Variants in DDA1 observed in about 807,000 individuals in gnomAD.
The protein encoded by DDA1 is DET1- and DDB1-associated protein 1.
DDA1 carries 3 observed loss-of-function variants against 18.6 expected under a neutral mutation model. The ratio of observed to expected loss-of-function variants is 0.16; its 90% CI spans 0.07 to 0.42. The LOEUF is 0.42. Among genes scored for constraint, DDA1 ranks in the 10% least tolerant of loss-of-function variants. The probability of loss-of-function intolerance (pLI) is 0.99; values close to 1 mark genes in which losing one functional copy is unlikely to be tolerated. For missense variants in DDA1, 105 were observed against 138.2 expected (o/e 0.76, Z 1.20); for synonymous variants, 52 against 54.0 (o/e 0.96, Z 0.17).
intron 4 of DDA1, among the ~76,000 whole-genome samples, chr19:17,318,752 G>A (rs2074225750): frequency 1.3e-5 from 2 of 150,000 alleles, no homozygotes; most frequent in African/African-American, 2.5e-5. Context: ...TGCAACCTCC[G>A]CCTCTTGGGT....
intron 3 of DDA1, among the ~76,000 whole-genome samples, chr19:17,315,344 TACAC>T (rs2074205782): frequency 1.3e-5 from 1 of 79,540 alleles, no homozygotes; most frequent in African/African-American, 4.8e-5. Flanking sequence ...CGTATATATA[TACAC>T]GCTATATATA....
rs1445291532 is a variant in DDA1, at chr19:17,322,077, C to T, written c.*2421C>T. On this transcript the variant is annotated 3_prime_UTR_variant, in exon 5 of 5. Transcript: ENST00000359866. ...CAGGGGCCAGAGTGGGAGCAGGGGG[C>T]ACTCCCGCCTTTCCCCTCGGCCTGT... The T allele has an allele frequency of 1.3e-5, 2 of 152,708 alleles. No individual in the cohort carries two copies. Among genetic ancestry groups the T allele is most frequent in the South Asian group, 2.1e-4 (1 of 4,858 alleles). 9.5% of individuals were successfully genotyped at this position (152,708 alleles called of 1,614,324 possible). A position where few individuals can be genotyped will look rare whatever the true frequency, so the allele number is the denominator to read the frequency against.
Position 17,320,133 on chromosome 19 carries a change from C to T in DDA1, c.*477C>T, listed in dbSNP as rs1266063665. ...CCAGGCCATTGAGACTCGGTCTTGT[C>T]CCACGCTTCGCCCGGAACTTTCCCA... On this transcript the variant is annotated 3_prime_UTR_variant, in exon 5 of 5. Transcript: ENST00000359866. 1 of 154,754 alleles carries T rather than the reference C, an allele frequency of 6.5e-6. No homozygotes were observed. The highest frequency in any genetic ancestry group is 1.4e-5 in the Non-Finnish European group (1 of 69,610). 9.6% of individuals were successfully genotyped at this position (154,754 alleles called of 1,614,324 possible). A position where few individuals can be genotyped will look rare whatever the true frequency, so the allele number is the denominator to read the frequency against.
chr19:17,313,148 G>C (rs914024720), intron 1 of DDA1, among the ~76,000 whole-genome samples: 1 of 152,150 alleles, frequency 6.6e-6, no homozygotes, highest in African/African-American at 2.4e-5. Context: ...TCTGGCTTTT[G>C]CTTTTCAGGT....
At position 17,309,642 on chromosome 19, in the gene DDA1, G is replaced by A. The variant is rs1047937410; in HGVS notation, c.-13G>A. 9.3e-6 allele frequency: 15 copies of A among 1,613,112 alleles called. No individual in the cohort carries two copies. The highest frequency in any genetic ancestry group is 1.7e-4 in the Middle Eastern group (1 of 6,052). Reference sequence around the variant, plus strand: ...TGAGGCGGCGGCCGAGGCGGCGACGGAGGAAACAGAAGATGGTGAGGATGG... The same window carrying A: ...TGAGGCGGCGGCCGAGGCGGCGACGAAGGAAACAGAAGATGGTGAGGATGG... On this transcript the variant is annotated 5_prime_UTR_variant, in exon 1 of 5. Coordinates refer to ENST00000359866, the MANE Select transcript of DDA1 (RefSeq NM_024050.6).
At chr19:17,310,856 C>G (rs1437553722) in intron 1 of DDA1, among the ~76,000 whole-genome samples, 2 of 152,228 alleles carry the variant, frequency 1.3e-5, no homozygotes, top group African/African-American at 4.8e-5. Context: ...GGTACTGCCA[C>G]TTCCCACCTG....
Position 17,314,524 on chromosome 19 carries a change from T to C in DDA1, c.136+135T>C. The C allele has an allele frequency of 1.7e-6, 2 of 1,211,242 alleles. No individual in the cohort carries two copies. The highest frequency in any genetic ancestry group is 2.4e-6 in the Non-Finnish European group (2 of 848,608). The allele number at this position is 1,211,242 out of a possible 1,614,324, so 75.0% of individuals were successfully genotyped here. The stretch of plus-strand genomic sequence containing the variant: ...TGGCTTGGGTTCACACGCTGTCTAC[T>C]GAATCCAGTTAAGTCAGGGAGGGCC... On this transcript the variant is annotated intron_variant, in intron 3 of 4. Coordinates refer to ENST00000359866, the MANE Select transcript of DDA1 (RefSeq NM_024050.6). This position sits in a 1 kb window ranked among gnomAD's most constrained non-coding sequence, Gnocchi z 4.6.
rs2074232095 is a variant in DDA1 at position 17,319,973 on chromosome 19, C to G, written c.*317C>G. The G allele has an allele frequency of 3.5e-6, 1 of 286,042 alleles. No homozygotes were observed. The highest frequency in any genetic ancestry group is 6.7e-6 in the Non-Finnish European group (1 of 148,598). 17.7% of individuals were successfully genotyped at this position (286,042 alleles called of 1,614,324 possible). A position where few individuals can be genotyped will look rare whatever the true frequency, so the allele number is the denominator to read the frequency against. ...GGGCCAGTTCCCCGATTCCTGCCCC[C>G]AGTTCTCCAGAGAACCAGAGTGTGT... On this transcript the variant is annotated 3_prime_UTR_variant, in exon 5 of 5. Coordinates refer to ENST00000359866, the MANE Select transcript of DDA1 (RefSeq NM_024050.6).
At chr19:17,315,319 C>CTA (rs1218418422) in intron 3 of DDA1, among the ~76,000 whole-genome samples, 3 of 27,860 alleles carry the variant, frequency 1.1e-4, no homozygotes, top group Admixed American at 4.1e-4. Context: ...TATATACACG[C>CTA]TATATATATA....
intron 3 of DDA1, among the ~76,000 whole-genome samples, chr19:17,315,428 GCATATATATA>G (rs1452321732): frequency 2.8e-5 from 2 of 71,364 alleles, no homozygotes; most frequent in Non-Finnish European, 2.5e-5. Flanking sequence ...GTGTGTGTGT[GCATATATATA>G]TATATATATA....
intron 4 of DDA1, among the ~76,000 whole-genome samples, chr19:17,316,811 G>A (rs2074215555): frequency 6.6e-6 from 1 of 152,128 alleles, no homozygotes; most frequent in Admixed American, 6.5e-5. Flanking sequence ...CTGGGAGGCG[G>A]AGCTTGCAGT....
intron 3 of DDA1, among the ~76,000 whole-genome samples, chr19:17,315,403 T>C (rs1469135488): frequency 8.8e-5 from 9 of 101,898 alleles, no homozygotes; most frequent in Non-Finnish European, 8.7e-5. Context: ...ACTATATATA[T>C]ACATACGTGT....
Position 17,314,122 on chromosome 19 carries a change from G to C in DDA1, c.84+19G>C. The C allele has an allele frequency of 6.2e-7, 1 of 1,613,112 alleles. No individual in the cohort carries two copies. The highest frequency in any genetic ancestry group is 2.2e-5 in the East Asian group (1 of 44,846). The stretch of plus-strand genomic sequence containing the variant: ...AGCCTCGGTGAGTGCGTGTTCCTGG[G>C]ACTGGGAGGAATTGGTCACTTCCAG... On this transcript the variant is annotated intron_variant, in intron 2 of 4. Coordinates refer to ENST00000359866, the MANE Select transcript of DDA1 (RefSeq NM_024050.6). The surrounding 1 kb of genome is among the most constrained non-coding windows in gnomAD (Gnocchi z 4.6).
At chr19:17,318,204 C>T (rs763760587) in intron 4 of DDA1, among the ~76,000 whole-genome samples, 13 of 151,808 alleles carry the variant, frequency 8.6e-5, no homozygotes, top group African/African-American at 2.7e-4. Context: ...AGGCACGCGC[C>T]ACCATGCCCA....
At position 17,315,284 on chromosome 19, in the gene DDA1, CA is replaced by C. The variant is rs1373050014; in HGVS notation, c.137-649del. On this transcript the variant is annotated intron_variant, in intron 3 of 4. Transcript: ENST00000359866. ...ATATACACACACGTGTATATACACA[CA>C]CTATATATATACACACGTGTATATA... Among the ~76,000 whole-genome samples the C allele has an allele frequency of 4.5e-5, 2 of 44,080 alleles. 1 individual carries two copies. Among genetic ancestry groups the C allele is most frequent in the Admixed American group, 2.8e-4 (2 of 7,042 alleles). The allele number at this position is 44,080 out of a possible 152,430, so 28.9% of individuals were successfully genotyped here.
intron 1 of DDA1, among the ~76,000 whole-genome samples, chr19:17,313,222 TG>T (rs1377713482): frequency 6.6e-6 from 1 of 152,030 alleles, no homozygotes; most frequent in East Asian, 1.9e-4. Context: ...ATCAGCCCCC[TG>T]GTTTTCTGAC....
rs2074203550 is a variant in DDA1 at position 17,315,280 on chromosome 19, C to CACACACGTGTATAT, written c.137-648_137-647insGTGTATATACACAC. ...GTGTATATACACACACGTGTATATA[C>CACACACGTGTATAT]ACACACTATATATATACACACGTGT... On this transcript the variant is annotated intron_variant, in intron 3 of 4. Coordinates refer to ENST00000359866, the MANE Select transcript of DDA1 (RefSeq NM_024050.6). Among the ~76,000 whole-genome samples, 2 of 23,896 alleles carry CACACACGTGTATAT rather than the reference C, an allele frequency of 8.4e-5. 1 individual carries two copies. The highest frequency in any genetic ancestry group is 1.9e-4 in the Non-Finnish European group (2 of 10,294). The allele number at this position is 23,896 out of a possible 152,430, so 15.7% of individuals were successfully genotyped here. A position where few individuals can be genotyped will look rare whatever the true frequency, so the allele number is the denominator to read the frequency against.
intron 4 of DDA1, among the ~76,000 whole-genome samples, chr19:17,316,528 C>G (rs1362796538): frequency 6.6e-6 from 1 of 151,484 alleles, no homozygotes; most frequent in African/African-American, 2.4e-5. Flanking sequence ...TGCAGTGAGC[C>G]GAGATTGCAC....
In DDA1 at chr19:17,320,020, G is replaced by A. The variant is rs909834860; in HGVS notation, c.*364G>A. 5.6e-5 allele frequency: 11 copies of A among 196,750 alleles called. No homozygotes were observed. The highest frequency in any genetic ancestry group is 4.1e-4 in the Admixed American group (7 of 17,186). The allele number at this position is 196,750 out of a possible 1,614,324, so 12.2% of individuals were successfully genotyped here. A position where few individuals can be genotyped will look rare whatever the true frequency, so the allele number is the denominator to read the frequency against. On this transcript the variant is annotated 3_prime_UTR_variant, in exon 5 of 5. Coordinates refer to ENST00000359866, the MANE Select transcript of DDA1 (RefSeq NM_024050.6). ...GTGTCTGTGAGAGTCTCTAGCGGGG[G>A]CTTTACTGTGGCCGGGCGACAGGGG... is the stretch of plus-strand genomic sequence containing the variant.
Sources: gnomAD v4.1 joint callset for allele counts (sites outside exome capture counted in the v4.1 genomes callset) on GRCh38, gnomAD v4.1.1 for gene constraint, Gnocchi (gnomAD v3.1) non-coding constraint, MANE v1.5 for transcripts, NCBI Gene and HGNC (gene_info 2026-07-23, HGNC 2026-07-21) for gene names.